The following TET3 variants were observed in gnomAD, a reference collection of about 807,000 sequenced individuals.
TET3 encodes methylcytosine dioxygenase TET3.
A neutral mutation model predicts 141.4 loss-of-function variants in TET3; 19 were observed. The ratio of observed to expected loss-of-function variants is 0.13; its 90% confidence interval spans 0.09 to 0.20. The LOEUF (loss-of-function observed/expected upper bound fraction) is 0.20, where lower values mean the gene tolerates loss of function less well. TET3 is among the 10% of genes least tolerant of loss of function. The pLI is 1.00. For missense variants in TET3, 1,874 were observed against 2,356.9 expected (o/e 0.80, Z 4.24); for synonymous variants, 1,043 against 980.9 (o/e 1.06, Z -1.18).
chr2:74,002,163 GC>G (rs1307636650), intron 2 of TET3, among the ~76,000 whole-genome samples: 1 of 152,192 alleles, frequency 6.6e-6, no homozygotes, highest in African/African-American at 2.4e-5. Context: ...CTGTTTCCTA[GC>G]CGCATCACCT....
At chr2:74,065,596 T>G (rs77673379) in intron 4 of TET3, among the ~76,000 whole-genome samples, 63 of 139,000 alleles carry the variant, frequency 4.5e-4, no homozygotes, top group African/African-American at 1.6e-3. Context: ...TCGTCCGTCC[T>G]TCCTTCCGTC....
chr2:74,066,396 A>G (rs1346844376), intron 4 of TET3, among the ~76,000 whole-genome samples: 7 of 152,266 alleles, frequency 4.6e-5, no homozygotes, highest in African/African-American at 1.4e-4. Context: ...GGTAGTGTAT[A>G]TATATATGTT....
intron 5 of TET3, among the ~76,000 whole-genome samples, chr2:74,076,881 T>G (rs568178599): frequency 3.3e-5 from 5 of 152,294 alleles, no homozygotes; most frequent in African/African-American, 9.6e-5. Flanking sequence ...TTCTCTTAGC[T>G]TTTCCAGTAA....
At chr2:74,040,713 AC>A (rs1320312127) in intron 3 of TET3, among the ~76,000 whole-genome samples, 2 of 152,156 alleles carry the variant, frequency 1.3e-5, no homozygotes, top group Non-Finnish European at 2.9e-5. Context: ...GTGGTTTGAC[AC>A]CAGCCTGGAC....
Position 73,986,400 on chromosome 2 carries a change from C to T in TET3, c.-4C>T. The T allele has an allele frequency of 8.1e-7, 1 of 1,232,150 alleles. No homozygotes were observed. The allele number at this position is 1,232,150 out of a possible 1,614,324, so 76.3% of individuals were successfully genotyped here. A position where few individuals can be genotyped will look rare whatever the true frequency, so the allele number is the denominator to read the frequency against. On this transcript the variant is annotated 5_prime_UTR_variant, in exon 2 of 12. Transcript: ENST00000409262. The stretch of plus-strand genomic sequence containing the variant: ...GCACCTATGACCCCACCTCTGGCAG[C>T]ATCATGAGCCAGTTTCAGGTGCCCC...
At chr2:73,997,707 TC>T (rs754579433) in intron 2 of TET3, among the ~76,000 whole-genome samples, 1 of 152,208 alleles carries the variant, frequency 6.6e-6, no homozygotes, top group Non-Finnish European at 1.5e-5. Flanking sequence ...CAGGTGGCCC[TC>T]CTGGCCCCAT....
intron 6 of TET3, 96 bp downstream of exon 6, chr2:74,080,687 A>C: frequency 2.9e-6 from 1 of 344,814 alleles, no homozygotes; most frequent in Non-Finnish European, 5.0e-6. Flanking sequence ...CATGTAGCTG[A>C]GCAGGCGAGG....
chr2:74,038,169 G>A (rs1573756785), intron 3 of TET3, among the ~76,000 whole-genome samples: 1 of 152,306 alleles, frequency 6.6e-6, no homozygotes, highest in Admixed American at 6.5e-5. Context: ...TTCAGCACAG[G>A]GTCCCCAGCT....
At chr2:74,084,411 G>C (rs1436941106) in intron 6 of TET3, among the ~76,000 whole-genome samples, 2 of 152,010 alleles carry the variant, frequency 1.3e-5, no homozygotes, top group Non-Finnish European at 2.9e-5. Context: ...CAGCTCACCT[G>C]AGATCAGGAG....
Position 74,104,947 on chromosome 2 carries a change from T to A in TET3, c.*2771T>A. 1 of 383,288 alleles carries A rather than the reference T, an allele frequency of 2.6e-6. No homozygotes were observed. The highest frequency in any genetic ancestry group is 4.6e-6 in the Non-Finnish European group (1 of 217,062). 23.7% of individuals were successfully genotyped at this position (383,288 alleles called of 1,614,324 possible). ...TTGCCGTGCTCAAGCCCATGCTGATTTGTACACTACATGTCTAACCTACCT... is the reference window on the plus strand; with the variant it reads ...TTGCCGTGCTCAAGCCCATGCTGATATGTACACTACATGTCTAACCTACCT... On this transcript the variant is annotated 3_prime_UTR_variant, in exon 12 of 12. Transcript: ENST00000409262.
intron 3 of TET3, among the ~76,000 whole-genome samples, chr2:74,021,055 CAAG>C (rs1686012888): frequency 6.6e-6 from 1 of 152,224 alleles, no homozygotes; most frequent in South Asian, 2.1e-4. Context: ...AGAGGACACT[CAAG>C]AAATACTGGA....
downstream of TET3, among the ~76,000 whole-genome samples, chr2:74,108,383 G>T (rs1388102257): frequency 6.6e-6 from 1 of 152,204 alleles, no homozygotes; most frequent in Non-Finnish European, 1.5e-5. Flanking sequence ...GGGATCTAAA[G>T]GGAGAAAATA....
intron 4 of TET3, among the ~76,000 whole-genome samples, chr2:74,070,755 A>G (rs568138834): frequency 1.3e-5 from 2 of 152,248 alleles, no homozygotes; most frequent in African/African-American, 4.8e-5. Flanking sequence ...AGGCAGATAG[A>G]TTGAGCCCGG....
chr2:74,004,595 C>T (rs142493529), intron 3 of TET3, among the ~76,000 whole-genome samples: 86 of 152,284 alleles, frequency 5.6e-4, no homozygotes, highest in African/African-American at 1.8e-3. Context: ...CAGGGGGCAT[C>T]GGCTTCCCCG....
intron 4 of TET3, among the ~76,000 whole-genome samples, chr2:74,069,045 G>A (rs1409996857): frequency 1.3e-5 from 2 of 151,858 alleles, no homozygotes. Flanking sequence ...TTTATTTTTG[G>A]GAGTGGCTTT....
At chr2:74,085,420 G>C (rs1276263749) in intron 6 of TET3, among the ~76,000 whole-genome samples, 4 of 152,124 alleles carry the variant, frequency 2.6e-5, no homozygotes, top group Non-Finnish European at 5.9e-5. Context: ...CCCTTTCAGG[G>C]TCTCCCAGCA....
At chr2:74,012,242 T>C (rs1685474609) in intron 3 of TET3, among the ~76,000 whole-genome samples, 1 of 152,200 alleles carries the variant, frequency 6.6e-6, no homozygotes, top group South Asian at 2.1e-4. Flanking sequence ...CAATTACACT[T>C]TGGGATGGCA....
intron 2 of TET3, among the ~76,000 whole-genome samples, chr2:73,999,525 G>T (rs1684745585): frequency 6.6e-6 from 1 of 152,122 alleles, no homozygotes; most frequent in South Asian, 2.1e-4. Context: ...CTGACCTGTG[G>T]GTATCCATGT....
In TET3 at chr2:74,093,678, C is replaced by T. The variant is rs547538349; in HGVS notation, c.3267+12C>T. The T allele has an allele frequency of 1.9e-6, 3 of 1,588,852 alleles. No individual in the cohort carries two copies. Among genetic ancestry groups the T allele is most frequent in the Admixed American group, 1.7e-5 (1 of 58,324 alleles). ...ATGGGTGCACCGTGGTAAGCCTGTG[C>T]CCTGTCATAGCCCCACCTGTGGGGC... On this transcript the variant is annotated intron_variant, in intron 10 of 11. Coordinates refer to ENST00000409262, the MANE Select transcript of TET3 (RefSeq NM_001287491.2). The surrounding 1 kb of genome is among the most constrained non-coding windows in gnomAD (Gnocchi z 4.2).
Sources: gnomAD v4.1 joint callset for allele counts (sites outside exome capture counted in the v4.1 genomes callset) on GRCh38, gnomAD v4.1.1 for gene constraint, Gnocchi (gnomAD v3.1) non-coding constraint, MANE v1.5 for transcripts, NCBI Gene and HGNC (gene_info 2026-07-23, HGNC 2026-07-21) for gene names.